FER: variants seen among roughly 807,000 people sequenced by gnomAD.
The protein encoded by FER is FER tyrosine kinase, also known as tyrosine-protein kinase Fer.
In FER, 63 loss-of-function variants were observed where a neutral mutation model predicts 111.0. The ratio of observed to expected loss-of-function variants is 0.57; its 90% CI spans 0.46 to 0.70. FER has a LOEUF of 0.70. FER is among the 30% of genes least tolerant of loss of function. The pLI, the probability that FER is intolerant of heterozygous loss-of-function variation, is 0.00. For synonymous variants in FER, 327 were observed against 313.9 expected (o/e 1.04, Z -0.44); for missense variants, 914 against 954.0 (o/e 0.96, Z 0.55).
chr5:109,108,157 C>T (rs547608686), intron 17 of FER, among the ~76,000 whole-genome samples: 3 of 152,172 alleles, frequency 2.0e-5, no homozygotes, highest in African/African-American at 7.2e-5. Context: ...TTCATATGCT[C>T]ATTTAACCTT....
At chr5:108,781,423 C>G (rs1445181149) in intron 2 of FER, among the ~76,000 whole-genome samples, 2 of 152,162 alleles carry the variant, frequency 1.3e-5, no homozygotes, top group African/African-American at 2.4e-5. Context: ...AACTCCTGAC[C>G]TCAGGTGATC....
chr5:109,035,715 C>A (rs1019931120), intron 13 of FER, among the ~76,000 whole-genome samples: 2 of 152,142 alleles, frequency 1.3e-5, no homozygotes, highest in African/African-American at 4.8e-5. Context: ...AAATTATTTT[C>A]CCAAACGCAA....
At chr5:109,029,233 TTTTC>T (rs1769228442) in intron 13 of FER, among the ~76,000 whole-genome samples, 1 of 149,846 alleles carries the variant, frequency 6.7e-6, no homozygotes, top group Non-Finnish European at 1.5e-5. Flanking sequence ...TTTTTTTTTT[TTTTC>T]TTCTTACCTT....
intron 10 of FER, among the ~76,000 whole-genome samples, chr5:108,898,485 T>C (rs949714348): frequency 4.8e-5 from 7 of 147,270 alleles, no homozygotes; most frequent in Admixed American, 2.0e-4. Context: ...TCCTCTCCTT[T>C]CCTTTCCTTC....
At chr5:109,047,948 T>C (rs907061934) in intron 16 of FER, among the ~76,000 whole-genome samples, 15 of 152,102 alleles carry the variant, frequency 9.9e-5, no homozygotes, top group African/African-American at 3.6e-4. Context: ...TGTTTTAAAG[T>C]TTTTTTCGTT....
intron 6 of FER, among the ~76,000 whole-genome samples, chr5:108,868,798 G>C (rs989633126): frequency 6.6e-6 from 1 of 152,070 alleles, no homozygotes; most frequent in Non-Finnish European, 1.5e-5. Flanking sequence ...GCAGGTTCTT[G>C]CATTGTACTT....
rs966893147 is a variant in FER at position 109,187,771 on chromosome 5, C to T, written c.*196C>T. ...AAATTTGTTAAAGAAATAGGCAGTC[C>T]TACCAAGGGCTTTCTTAGCTAACCA... On this transcript the variant is annotated 3_prime_UTR_variant, in exon 20 of 20. Coordinates refer to ENST00000281092, the MANE Select transcript of FER (RefSeq NM_005246.4). The T allele has an allele frequency of 1.6e-6, 1 of 616,238 alleles. No homozygotes were observed. The highest frequency in any genetic ancestry group is 2.8e-6 in the Non-Finnish European group (1 of 362,380). 38.2% of individuals were successfully genotyped at this position (616,238 alleles called of 1,614,324 possible). A position where few individuals can be genotyped will look rare whatever the true frequency, so the allele number is the denominator to read the frequency against.
At chr5:109,035,033 C>CTTTTT (rs554716544) in intron 13 of FER, among the ~76,000 whole-genome samples, 2 of 119,658 alleles carry the variant, frequency 1.7e-5, no homozygotes, top group African/African-American at 6.3e-5. Flanking sequence ...AGAAATTGAA[C>CTTTTT]TTTTTTTTTT....
chr5:108,760,635 A>G lies in FER; in HGVS notation c.-205-7458A>G, dbSNP rs188220952. Among the ~76,000 whole-genome samples, 522 of 152,218 alleles carry G rather than the reference A, an allele frequency of 3.4e-3. 2 individuals are homozygous for G. The highest frequency in any genetic ancestry group is 0.012 in the African/African-American group (498 of 41,524). On this transcript the variant is annotated intron_variant, in intron 1 of 19. Transcript: ENST00000281092. ...CTCTTTCCTTCAGCCTCATGAATCA[A>G]TCTCTGCTAGTTTCAGAGTTGTCTT...
intron 17 of FER, among the ~76,000 whole-genome samples, chr5:109,114,836 C>CCT (rs1045755847): frequency 2.6e-5 from 4 of 152,046 alleles, no homozygotes; most frequent in Non-Finnish European, 2.9e-5. Context: ...TTCCACTCCC[C>CCT]CTCTCATCAG....
rs1756835281 is a variant in FER at position 108,945,325 on chromosome 5, G to C, written c.1237-805G>C. ...AAACCACACGTGCTTTGCTCTTGGT[G>C]CCCTTCTTATGTCCTAGTTTTGGTT... On this transcript the variant is annotated intron_variant, in intron 10 of 19. Transcript: ENST00000281092. 3.9e-5 allele frequency among the ~76,000 whole-genome samples: 6 copies of C among 151,944 alleles called. No homozygotes were observed. The South Asian group carries it at 1.2e-3, about 32-fold the overall frequency.
chr5:108,864,948 C>T (rs1157616976), intron 5 of FER, among the ~76,000 whole-genome samples: 1 of 151,932 alleles, frequency 6.6e-6, no homozygotes, highest in Non-Finnish European at 1.5e-5. Flanking sequence ...TTACCTTGGG[C>T]AGTATGGCCA....
At chr5:108,790,980 TC>T (rs1365552092) in intron 2 of FER, among the ~76,000 whole-genome samples, 1 of 152,246 alleles carries the variant, frequency 6.6e-6, no homozygotes, top group African/African-American at 2.4e-5. Flanking sequence ...TATCAATACT[TC>T]CTTTTCATTG....
At chr5:108,976,542 C>A (rs1334699788) in intron 13 of FER, among the ~76,000 whole-genome samples, 1 of 152,044 alleles carries the variant, frequency 6.6e-6, no homozygotes, top group Non-Finnish European at 1.5e-5. Context: ...CGGGTGCTGA[C>A]CCCCTGCATA....
intron 3 of FER, among the ~76,000 whole-genome samples, chr5:108,812,162 G>A (rs1272894945): frequency 6.6e-6 from 1 of 152,140 alleles, no homozygotes; most frequent in East Asian, 1.9e-4. Flanking sequence ...GTTTCTCTTT[G>A]GCATTTATTA....
intron 16 of FER, among the ~76,000 whole-genome samples, chr5:109,084,813 G>A (rs1037567664): frequency 1.3e-5 from 2 of 151,838 alleles, no homozygotes; most frequent in African/African-American, 4.8e-5. Context: ...TCCCCATACA[G>A]TTATATGTAG....
chr5:108,766,028 C>T (rs998800740), intron 1 of FER, among the ~76,000 whole-genome samples: 3 of 151,784 alleles, frequency 2.0e-5, no homozygotes, highest in African/African-American at 7.3e-5. Context: ...TTCCTGGGCT[C>T]AGGTGATCCT....
At chr5:109,110,036 C>T (rs1365867685) in intron 17 of FER, among the ~76,000 whole-genome samples, 1 of 152,094 alleles carries the variant, frequency 6.6e-6, no homozygotes, top group East Asian at 1.9e-4. Flanking sequence ...CGGGCTGTCT[C>T]TAGGCACTGT....
chr5:108,854,525 C>T (rs1349313225), intron 5 of FER, among the ~76,000 whole-genome samples: 1 of 152,162 alleles, frequency 6.6e-6, no homozygotes, highest in Non-Finnish European at 1.5e-5. Context: ...ACATGGCATG[C>T]CTGTAACTGA....
Sources: allele counts gnomAD v4.1 joint callset (sites outside exome capture counted in the v4.1 genomes callset), GRCh38; gene constraint gnomAD v4.1.1; transcripts MANE v1.5; gene names NCBI Gene and HGNC (gene_info 2026-07-23, HGNC 2026-07-21).